Variants in SCARA5 observed in about 807,000 individuals in gnomAD.
SCARA5 encodes scavenger receptor class A, member 5 (putative).
In SCARA5, 45 loss-of-function variants were observed where a neutral mutation model predicts 46.3. The observed-to-expected ratio is 0.97, with a 90% CI of 0.76 to 1.24. SCARA5 has a LOEUF of 1.24. Ranked by LOEUF, SCARA5 falls within the 50% of genes most tolerant of loss-of-function variation. SCARA5 has a pLI of 0.00. For missense variants in SCARA5, 680 were observed against 689.0 expected (o/e 0.99, Z 0.15); for synonymous variants, 333 against 306.5 (o/e 1.09, Z -0.90).
rs141020004 is a variant in SCARA5, at chr8:27,938,172, A to G, written c.242-15927T>C. 3.5e-3 allele frequency among the ~76,000 whole-genome samples: 527 copies of G among 152,286 alleles called. 1 individual carries two copies. Among genetic ancestry groups the G allele is most frequent in the Admixed American group, 6.8e-3 (104 of 15,292 alleles). ...GCCCAGGCCATGGGGTGCTTCTAGAACCAAGCGCTTCCTCAAATCACTGAT... is the reference window on the plus strand; with the variant it reads ...GCCCAGGCCATGGGGTGCTTCTAGAGCCAAGCGCTTCCTCAAATCACTGAT... On this transcript the variant is annotated intron_variant, in intron 3 of 8. Transcript: ENST00000354914.
intron 3 of SCARA5, among the ~76,000 whole-genome samples, chr8:27,951,718 C>T (rs187843135): frequency 2.9e-4 from 44 of 152,350 alleles, no homozygotes; most frequent in Admixed American, 9.8e-4. Flanking sequence ...AAAATCCTTC[C>T]TCTTCCTCAT....
intron 2 of SCARA5, among the ~76,000 whole-genome samples, chr8:27,969,703 A>G (rs1369847899): frequency 6.6e-6 from 1 of 152,192 alleles, no homozygotes; most frequent in African/African-American, 2.4e-5. Context: ...TAACAAATGC[A>G]CCATTCTGGT....
chr8:27,916,854 ATTTCAT>A (rs1807470439), intron 4 of SCARA5, among the ~76,000 whole-genome samples: 1 of 152,084 alleles, frequency 6.6e-6, no homozygotes. Flanking sequence ...ATCCCCCCCG[ATTTCAT>A]ATGTTGCAAC....
rs866820521 is a variant in SCARA5 at position 27,879,515 on chromosome 8, G to A, written c.1351+54C>T. The A allele has an allele frequency of 1.7e-5, 27 of 1,552,032 alleles. 1 individual carries two copies. The Middle Eastern group carries it at 5.0e-4, about 29-fold the overall frequency. On this transcript the variant is annotated intron_variant, in intron 8 of 8. Coordinates refer to ENST00000354914, the MANE Select transcript of SCARA5 (RefSeq NM_173833.6). ...GACTCGGGCTTTGGAGGTGAGCCCA[G>A]TCCTAGGATGTGCAGGCCCTCTCCT...
chr8:27,891,981 G>C lies in SCARA5; in HGVS notation c.1154-12215C>G, dbSNP rs117195278. Among the ~76,000 whole-genome samples the C allele has an allele frequency of 0.012, 1,805 of 152,340 alleles. 85 individuals are homozygous for C. The East Asian group carries it at 0.12, about 10-fold the overall frequency. On this transcript the variant is annotated intron_variant, in intron 7 of 8. Transcript: ENST00000354914. ...GGCTCTCAACAGGCTGGTTGGGTGTGTGCCATGCTCACAGCCCATGGGCAT... is the reference window on the plus strand; with the variant it reads ...GGCTCTCAACAGGCTGGTTGGGTGTCTGCCATGCTCACAGCCCATGGGCAT...
At position 27,908,062 on chromosome 8, in the gene SCARA5, G is replaced by T. The variant is rs1419502555; in HGVS notation, c.998-816C>A. Among the ~76,000 whole-genome samples, 38 of 150,568 alleles carry T rather than the reference G, an allele frequency of 2.5e-4. 1 individual carries two copies. The highest frequency in any genetic ancestry group is 2.5e-3 in the Admixed American group (37 of 14,934). On this transcript the variant is annotated intron_variant, in intron 5 of 8. Coordinates refer to ENST00000354914, the MANE Select transcript of SCARA5 (RefSeq NM_173833.6). The stretch of plus-strand genomic sequence containing the variant: ...GGTCACACAGCAGTGTTGGAGGCAG[G>T]ATCTGAGCCCTGCTGTTGCTGAAAT...
intron 3 of SCARA5, among the ~76,000 whole-genome samples, chr8:27,923,800 C>G (rs10111069): frequency 6.6e-6 from 1 of 151,428 alleles, no homozygotes; most frequent in Non-Finnish European, 1.5e-5. Flanking sequence ...GTCTCGATCT[C>G]TTGACCTCAT....
intron 4 of SCARA5, among the ~76,000 whole-genome samples, chr8:27,910,484 G>A (rs571126554): frequency 2.9e-4 from 44 of 152,302 alleles, no homozygotes; most frequent in Admixed American, 1.2e-3. Flanking sequence ...TTAGAGACCC[G>A]GCCTGAGTGT....
chr8:27,887,648 A>T (rs1240247637), intron 7 of SCARA5, among the ~76,000 whole-genome samples: 1 of 152,100 alleles, frequency 6.6e-6, no homozygotes, highest in African/African-American at 2.4e-5. Context: ...TGCCCCCCAT[A>T]GCAGAGACAC....
intron 2 of SCARA5, among the ~76,000 whole-genome samples, chr8:27,986,657 C>T (rs1031415607): frequency 6.6e-6 from 1 of 152,142 alleles, no homozygotes; most frequent in South Asian, 2.1e-4. Flanking sequence ...CTACACTCAG[C>T]GCCTTGTGGG....
At chr8:27,896,573 T>C (rs1296645967) in intron 7 of SCARA5, among the ~76,000 whole-genome samples, 1 of 152,142 alleles carries the variant, frequency 6.6e-6, no homozygotes, top group Non-Finnish European at 1.5e-5. Context: ...AGGAGCTCAG[T>C]GACCGGGGTG....
At chr8:27,950,825 C>A (rs79023413) in intron 3 of SCARA5, among the ~76,000 whole-genome samples, 3,804 of 150,758 alleles carry the variant, frequency 0.025, 148 homozygotes, top group African/African-American at 0.087. Flanking sequence ...ACCCATTCAA[C>A]CGATCGGAAC....
At chr8:27,950,830 C>T (rs1033480391) in intron 3 of SCARA5, among the ~76,000 whole-genome samples, 13 of 149,298 alleles carry the variant, frequency 8.7e-5, no homozygotes, top group African/African-American at 3.0e-4. Flanking sequence ...TTCAACCGAT[C>T]GGAACGAGCT....
intron 2 of SCARA5, among the ~76,000 whole-genome samples, chr8:27,970,097 C>A (rs544540350): frequency 1.4e-4 from 22 of 152,120 alleles, no homozygotes; most frequent in Non-Finnish European, 3.1e-4. Context: ...TTCTGGCTCA[C>A]CCTTTCTCTC....
intron 1 of SCARA5, 93 bp from the exon 2 acceptor site, chr8:27,987,723 G>A: frequency 1.3e-6 from 1 of 747,482 alleles, no homozygotes; most frequent in Non-Finnish European, 2.3e-6. Context: ...CAAATGGATA[G>A]AACAAGGTGC....
Position 27,879,740 on chromosome 8 carries a change from G to A in SCARA5, c.1180C>T (p.Arg394Cys), listed in dbSNP as rs772208765. ...ASGVEAPMMI[R>C]LVNGSGPHEG... ...TGCGGACCTGAGCCATTCACCAGGC[G>A]GATCATCATCGGGGCCTCCACGCCA... Residue 394 changes from arginine to cysteine, a missense_variant, in exon 8 of 9, where the codon CGC becomes TGC. This residue lies in a region of SCARA5 where 219 missense variants were observed against 269.5 expected (regional missense o/e 0.81). Coordinates refer to ENST00000354914, the MANE Select transcript of SCARA5 (RefSeq NM_173833.6). 2.5e-6 allele frequency: 4 copies of A among 1,613,052 alleles called. No individual in the cohort carries two copies. The South Asian group carries it at 3.3e-5, about 13-fold the overall frequency.
chr8:27,903,030 G>A (rs977603626), intron 7 of SCARA5, among the ~76,000 whole-genome samples: 2 of 152,128 alleles, frequency 1.3e-5, no homozygotes, highest in Non-Finnish European at 2.9e-5. Context: ...GCTCCTATTT[G>A]ATCCTGAATC....
chr8:27,914,536 T>C (rs1807430614), intron 4 of SCARA5, among the ~76,000 whole-genome samples: 6 of 152,246 alleles, frequency 3.9e-5, no homozygotes, highest in Admixed American at 3.9e-4. Context: ...GTCTGTGGCC[T>C]GTGCCTTGCA....
intron 7 of SCARA5, among the ~76,000 whole-genome samples, chr8:27,896,525 G>T (rs7837420): frequency 0.025 from 3,851 of 152,224 alleles, 150 homozygotes; most frequent in African/African-American, 0.088. Flanking sequence ...TCAGTTAGAT[G>T]GGATGACGAC....
Sources: allele counts gnomAD v4.1 joint callset (sites outside exome capture counted in the v4.1 genomes callset), GRCh38; gene constraint gnomAD v4.1.1; regional missense constraint gnomAD v4.1.1; transcripts MANE v1.5; gene names NCBI Gene and HGNC (gene_info 2026-07-23, HGNC 2026-07-21).